PACRG: variants seen among roughly 807,000 people sequenced by gnomAD.
PACRG encodes parkin coregulated gene protein.
A neutral mutation model predicts 29.7 loss-of-function variants in PACRG; 29 were observed. The observed-to-expected ratio is 0.98, with a 90% confidence interval of 0.73 to 1.33. The LOEUF is 1.33. PACRG is among the 40% of genes most tolerant of loss of function. PACRG has a pLI of 0.00. For missense variants in PACRG, 279 were observed against 316.2 expected (o/e 0.88, Z 0.89); for synonymous variants, 116 against 118.7 (o/e 0.98, Z 0.15).
chr6:162,932,212 G>A (rs1797904337), intron 2 of PACRG, among the ~76,000 whole-genome samples: 1 of 151,886 alleles, frequency 6.6e-6, no homozygotes, highest in African/African-American at 2.4e-5. Context: ...GAAAATATAC[G>A]TTTATTACAT....
intron 4 of PACRG, chr6:163,191,757 T>C: frequency 2.2e-6 from 1 of 456,380 alleles, no homozygotes; most frequent in Non-Finnish European, 4.4e-6. Flanking sequence ...ATGACGTCCC[T>C]CTGCCCCCAG....
intron 4 of PACRG, among the ~76,000 whole-genome samples, chr6:163,111,603 C>A (rs1159220351): frequency 6.6e-6 from 1 of 152,146 alleles, no homozygotes; most frequent in Non-Finnish European, 1.5e-5. Flanking sequence ...TTGCTTTTAG[C>A]CCCCTCCCTT....
intron 2 of PACRG, among the ~76,000 whole-genome samples, chr6:162,881,309 T>TA (rs1460114594): frequency 6.6e-6 from 1 of 152,182 alleles, no homozygotes; most frequent in Non-Finnish European, 1.5e-5. Context: ...TTTGGGGCTG[T>TA]AAATGAGGCC....
chr6:162,989,335 ACAGAT>A (rs1803203120), intron 2 of PACRG, among the ~76,000 whole-genome samples: 4 of 152,316 alleles, frequency 2.6e-5, no homozygotes, highest in African/African-American at 9.6e-5. Context: ...AGGATACCTG[ACAGAT>A]GTATCATAAT....
chr6:163,197,506 C>T (rs369389478), intron 4 of PACRG, among the ~76,000 whole-genome samples: 2,300 of 142,144 alleles, frequency 0.016, 63 homozygotes, highest in African/African-American at 0.058. Context: ...TGCAGTGGCG[C>T]GATCTCGGCT....
chr6:162,943,095 G>C (rs1047646331), intron 2 of PACRG, among the ~76,000 whole-genome samples: 3 of 152,178 alleles, frequency 2.0e-5, no homozygotes, highest in African/African-American at 7.2e-5. Flanking sequence ...AACCCCTGCA[G>C]GCTCTGAGAC....
chr6:162,979,977 A>G (rs994894807), intron 2 of PACRG, among the ~76,000 whole-genome samples: 1 of 152,022 alleles, frequency 6.6e-6, no homozygotes, highest in Admixed American at 6.6e-5. Context: ...ATTAACAGAA[A>G]TGAATACTAA....
intron 4 of PACRG, among the ~76,000 whole-genome samples, chr6:163,270,959 T>G (rs989440118): frequency 1.3e-5 from 2 of 152,114 alleles, no homozygotes; most frequent in African/African-American, 4.8e-5. Flanking sequence ...TAAGGAGTAT[T>G]GACTCACATG....
chr6:163,041,750 A>T (rs911490461), intron 2 of PACRG, among the ~76,000 whole-genome samples: 1 of 152,240 alleles, frequency 6.6e-6, no homozygotes. Flanking sequence ...CCAAACGAAG[A>T]CAGAATAATC....
chr6:162,926,862 A>C (rs1055156418), intron 2 of PACRG, among the ~76,000 whole-genome samples: 1 of 152,348 alleles, frequency 6.6e-6, no homozygotes, highest in African/African-American at 2.4e-5. Context: ...ATCAGAGCAA[A>C]CAGGCAACCT....
At chr6:163,183,817 C>G (rs1203514026) in intron 4 of PACRG, among the ~76,000 whole-genome samples, 2 of 152,196 alleles carry the variant, frequency 1.3e-5, no homozygotes, top group African/African-American at 4.8e-5. Flanking sequence ...AAAAATATAA[C>G]TGTAACGAAA....
chr6:162,934,327 C>T (rs1041603813), intron 2 of PACRG, among the ~76,000 whole-genome samples: 1 of 151,980 alleles, frequency 6.6e-6, no homozygotes, highest in South Asian at 2.1e-4. Context: ...GGAGGGCGGG[C>T]GTTAAACTCT....
intron 4 of PACRG, among the ~76,000 whole-genome samples, chr6:163,108,391 CCTTT>C (rs1815507855): frequency 8.6e-6 from 1 of 116,262 alleles, no homozygotes; most frequent in Non-Finnish European, 1.7e-5. Flanking sequence ...CTTCTCTTTC[CCTTT>C]TTTTTTTTTT....
At chr6:163,304,578 C>T (rs936193128) in intron 4 of PACRG, among the ~76,000 whole-genome samples, 2 of 152,106 alleles carry the variant, frequency 1.3e-5, no homozygotes, top group Non-Finnish European at 2.9e-5. Flanking sequence ...GGACTACAGG[C>T]CTAGTGCTCC....
At chr6:162,857,554 A>C (rs1385340847) in intron 2 of PACRG, among the ~76,000 whole-genome samples, 1 of 152,214 alleles carries the variant, frequency 6.6e-6, no homozygotes, top group East Asian at 1.9e-4. Flanking sequence ...GGCTATGATT[A>C]TGGCTAATTA....
At chr6:163,183,562 A>T (rs1020563235) in intron 4 of PACRG, 3 of 148,870 alleles carry the variant, frequency 2.0e-5, no homozygotes, top group Admixed American at 1.4e-4. Flanking sequence ...AGCTGCCTAG[A>T]AGACATAGGG....
intron 1 of PACRG, among the ~76,000 whole-genome samples, chr6:162,747,298 T>C (rs1781065902): frequency 7.3e-6 from 1 of 137,890 alleles, no homozygotes; most frequent in South Asian, 2.4e-4. Context: ...TTCTTCAGTT[T>C]TGGAACTCAG....
At chr6:163,262,874 C>T (rs371667328) in intron 4 of PACRG, among the ~76,000 whole-genome samples, 11 of 148,226 alleles carry the variant, frequency 7.4e-5, no homozygotes, top group Non-Finnish European at 1.5e-4. Flanking sequence ...AGACCCCCCC[C>T]CCCATGTCAA....
intron 4 of PACRG, among the ~76,000 whole-genome samples, chr6:163,129,583 T>TA (rs1321600485): frequency 3.3e-5 from 5 of 152,220 alleles, no homozygotes; most frequent in Admixed American, 2.0e-4. Context: ...GGTGACACAG[T>TA]ACTCTGTGTC....
Sources: gnomAD v4.1 joint callset for allele counts (sites outside exome capture counted in the v4.1 genomes callset) on GRCh38, gnomAD v4.1.1 for gene constraint, MANE v1.5 for transcripts, NCBI Gene and HGNC (gene_info 2026-07-23, HGNC 2026-07-21) for gene names.